Variants in ITPR1 observed in about 807,000 individuals in gnomAD.
The protein encoded by ITPR1 is inositol 1,4,5-trisphosphate receptor type 1.
Under a neutral mutation model 318.4 loss-of-function variants are expected in ITPR1, and 96 were observed. The ratio of observed to expected loss-of-function variants is 0.30; its 90% CI spans 0.26 to 0.36. The LOEUF is 0.36. Ranked by LOEUF, ITPR1 falls within the 10% of genes least tolerant of loss-of-function variation. ITPR1 has a pLI of 1.00. For missense variants in ITPR1, 2,440 were observed against 3,460.2 expected (o/e 0.71, Z 7.40); for synonymous variants, 1,312 against 1,289.9 (o/e 1.02, Z -0.37).
chr3:4,768,034 C>G (rs2045931424), intron 45 of ITPR1, among the ~76,000 whole-genome samples: 1 of 152,220 alleles, frequency 6.6e-6, no homozygotes, highest in Non-Finnish European at 1.5e-5. Flanking sequence ...AACTACCTCA[C>G]AGGGTTATTC....
At chr3:4,806,476 C>T (rs537379404) in intron 55 of ITPR1, among the ~76,000 whole-genome samples, 8 of 152,148 alleles carry the variant, frequency 5.3e-5, no homozygotes, top group South Asian at 2.1e-4. Flanking sequence ...GTCACACAAC[C>T]GCACTGTGTA....
intron 4 of ITPR1, among the ~76,000 whole-genome samples, chr3:4,591,121 C>A (rs1423660603): frequency 6.6e-6 from 1 of 151,660 alleles, no homozygotes; most frequent in Non-Finnish European, 1.5e-5. Flanking sequence ...TTTATCCAAT[C>A]TGTCATTGAT....
intron 54 of ITPR1, among the ~76,000 whole-genome samples, chr3:4,801,360 A>G (rs2048218249): frequency 6.6e-6 from 1 of 152,206 alleles, no homozygotes; most frequent in Admixed American, 6.5e-5. Flanking sequence ...GCAACAGCAA[A>G]AGCCCCAAAG....
chr3:4,726,032 A>G (rs1575027767), intron 41 of ITPR1, among the ~76,000 whole-genome samples: 1 of 152,216 alleles, frequency 6.6e-6, no homozygotes, highest in South Asian at 2.1e-4. Context: ...GCACTTTTAA[A>G]AATATTTTTA....
intron 44 of ITPR1, among the ~76,000 whole-genome samples, chr3:4,756,324 AT>A (rs71623173): frequency 0.23 from 34,656 of 151,724 alleles, 4,450 homozygotes; most frequent in Middle Eastern, 0.46. Flanking sequence ...TTTCAGCCAA[AT>A]TTTTTTTTAA....
chr3:4,706,253 A>G lies in ITPR1; in HGVS notation c.4744A>G (p.Thr1582Ala). Residue 1582 changes from threonine to alanine, a missense_variant, in exon 37 of 62, where the codon ACA becomes GCA. By Grantham distance (58) the Thr-to-Ala change is moderately conservative (BLOSUM62 0). Coordinates refer to ENST00000649015, the MANE Select transcript of ITPR1 (RefSeq NM_001378452.1). ...FLKSHSIVQK[T>A]AMNWRLSARN... ...CAAGTCCCACAGCATTGTGCAGAAA[A>G]CAGCCATGAACTGGCGGCTCTCAGC... The G allele has an allele frequency of 6.2e-7, 1 of 1,613,832 alleles. No individual in the cohort carries two copies. Among genetic ancestry groups the G allele is most frequent in the Non-Finnish European group, 8.5e-7 (1 of 1,179,872 alleles).
At chr3:4,612,651 C>T (rs2092202493) in intron 4 of ITPR1, among the ~76,000 whole-genome samples, 1 of 151,994 alleles carries the variant, frequency 6.6e-6, no homozygotes, top group African/African-American at 2.4e-5. Context: ...CTTTTGGAGG[C>T]CAAGGCAGGC....
intron 4 of ITPR1, among the ~76,000 whole-genome samples, chr3:4,524,868 G>A (rs1160886207): frequency 6.6e-6 from 1 of 152,086 alleles, no homozygotes; most frequent in Admixed American, 6.6e-5. Context: ...TGCCAACCTT[G>A]GTTTTCTCAC....
Position 4,642,258 on chromosome 3 carries a change from G to A in ITPR1, c.525+7G>A. On this transcript the variant is annotated splice_region_variant and intron_variant, in intron 7 of 61. Coordinates refer to ENST00000649015, the MANE Select transcript of ITPR1 (RefSeq NM_001378452.1). ...GCGATCCATTGGAGACAGCGTAAGT[G>A]CGGATTCTCCACCTAGAAAGTCTTC... is the stretch of plus-strand genomic sequence containing the variant. 1 of 1,525,572 alleles carries A rather than the reference G, an allele frequency of 6.6e-7. No homozygotes were observed. Among genetic ancestry groups the A allele is most frequent in the Non-Finnish European group, 8.8e-7 (1 of 1,136,778 alleles). The allele number at this position is 1,525,572 out of a possible 1,614,324, so 94.5% of individuals were successfully genotyped here. A position where few individuals can be genotyped will look rare whatever the true frequency, so the allele number is the denominator to read the frequency against.
In ITPR1 at chr3:4,814,654, AC is replaced by A; in HGVS notation, c.7701+93del. 3 of 1,176,850 alleles carry A rather than the reference AC, an allele frequency of 2.5e-6. No homozygotes were observed. In the South Asian group the frequency reaches 4.3e-5, roughly 17 times the overall value. The allele number at this position is 1,176,850 out of a possible 1,614,324, so 72.9% of individuals were successfully genotyped here. The stretch of plus-strand genomic sequence containing the variant: ...CAGCGGTGTTGAGTGTAAACTGAAG[AC>A]GCAGAGGAAGAGCTGGGAGTAGGGC... On this transcript the variant is annotated intron_variant, in intron 58 of 61. Transcript: ENST00000649015.
chr3:4,506,981 C>T (rs766052628), intron 2 of ITPR1, among the ~76,000 whole-genome samples: 3 of 151,998 alleles, frequency 2.0e-5, no homozygotes, highest in African/African-American at 4.8e-5. Flanking sequence ...GAAATTAACA[C>T]TGAGAAAATG....
At chr3:4,661,169 TG>T in intron 14 of ITPR1, 82 bp downstream of exon 14, 1 of 746,054 alleles carries the variant, frequency 1.3e-6, no homozygotes, top group Non-Finnish European at 2.3e-6. Flanking sequence ...TCAGGGAGTA[TG>T]GAGCGTGGAG....
chr3:4,720,628 T>G (rs1287302906), intron 40 of ITPR1, among the ~76,000 whole-genome samples: 2 of 152,194 alleles, frequency 1.3e-5, no homozygotes, highest in African/African-American at 4.8e-5. Context: ...GTGGAATCTC[T>G]GGAGCCATTG....
intron 4 of ITPR1, among the ~76,000 whole-genome samples, chr3:4,621,502 C>T (rs1236639610): frequency 5.3e-5 from 8 of 152,154 alleles, no homozygotes; most frequent in Non-Finnish European, 1.0e-4. Context: ...CAATTCAACA[C>T]GAGATTTGGT....
chr3:4,774,425 T>C (rs780010621), intron 46 of ITPR1, among the ~76,000 whole-genome samples: 1 of 152,252 alleles, frequency 6.6e-6, no homozygotes, highest in Non-Finnish European at 1.5e-5. Flanking sequence ...TCTTTTCCTA[T>C]TGCCCATTTT....
At chr3:4,629,300 C>A (rs758986224) in intron 5 of ITPR1, among the ~76,000 whole-genome samples, 4 of 152,172 alleles carry the variant, frequency 2.6e-5, no homozygotes, top group African/African-American at 9.6e-5. Flanking sequence ...ACATTGTTTT[C>A]CTGGCTCTTC....
chr3:4,685,331 A>T, intron 30 of ITPR1, 125 bp downstream of exon 30: 1 of 969,946 alleles, frequency 1.0e-6, no homozygotes, highest in Non-Finnish European at 1.4e-6. Flanking sequence ...TGTGACTACA[A>T]AGCAATTTCA....
intron 4 of ITPR1, among the ~76,000 whole-genome samples, chr3:4,550,349 G>A (rs1048552892): frequency 6.6e-6 from 1 of 152,176 alleles, no homozygotes; most frequent in African/African-American, 2.4e-5. Context: ...CTGCCAGAGC[G>A]CTTGGTGACC....
At chr3:4,744,218 A>G (rs1226406763) in intron 44 of ITPR1, among the ~76,000 whole-genome samples, 1 of 152,236 alleles carries the variant, frequency 6.6e-6, no homozygotes, top group Non-Finnish European at 1.5e-5. Context: ...AAGTGCAGAG[A>G]AAAATGACAG....
Sources: gnomAD v4.1 joint callset for allele counts (sites outside exome capture counted in the v4.1 genomes callset) on GRCh38, gnomAD v4.1.1 for gene constraint, MANE v1.5 for transcripts, NCBI Gene and HGNC (gene_info 2026-07-23, HGNC 2026-07-21) for gene names.